Variants in EPB41L3 observed in about 807,000 individuals in gnomAD.
The protein encoded by EPB41L3 is erythrocyte membrane protein band 4.1 like 3, also known as band 4.1-like protein 3.
EPB41L3 carries 57 observed loss-of-function variants against 127.1 expected under a neutral mutation model. That is an observed-to-expected ratio of 0.45 (90% CI 0.36 to 0.56). EPB41L3 has a LOEUF of 0.56. EPB41L3 is among the 20% of genes least tolerant of loss of function. The pLI, the probability that EPB41L3 is intolerant of heterozygous loss-of-function variation, is 0.00. For missense variants in EPB41L3, 1,273 were observed against 1,372.2 expected, an observed-to-expected ratio of 0.93 and a Z score of 1.14; for synonymous variants, 572 against 549.5, an observed-to-expected ratio of 1.04 and a Z score of -0.57.
chr18:5,630,485 G>A (rs776981905), upstream of EPB41L3: 3 of 518,724 alleles, frequency 5.8e-6, no homozygotes, highest in African/African-American at 1.9e-5. Flanking sequence ...GAGAGGTAGG[G>A]CTGCTCACAG....
At chr18:5,482,792 T>C (rs115879601) in intron 2 of EPB41L3, among the ~76,000 whole-genome samples, 94 of 152,238 alleles carry the variant, frequency 6.2e-4, no homozygotes, top group African/African-American at 2.2e-3. Context: ...AGATCAAATC[T>C]TTCCCGAAAG....
chr18:5,612,557 T>G (rs896295923), intron 2 of EPB41L3: 1 of 152,260 alleles, frequency 6.6e-6, no homozygotes, highest in African/African-American at 2.4e-5. Context: ...ATGGTGAATG[T>G]TCATCTCACT....
intron 1 of EPB41L3, among the ~76,000 whole-genome samples, chr18:5,515,360 C>T (rs2092707765): frequency 6.6e-6 from 1 of 152,170 alleles, no homozygotes; most frequent in Admixed American, 6.5e-5. Context: ...ATGAATTCTT[C>T]AACCATTTGC....
chr18:5,542,175 C>T (rs963636718), intron 1 of EPB41L3, among the ~76,000 whole-genome samples: 1 of 152,242 alleles, frequency 6.6e-6, no homozygotes, highest in African/African-American at 2.4e-5. Context: ...TGAGCCAAGA[C>T]AGAAATCACC....
chr18:5,597,624 T>A (rs2094549818), intron 3 of EPB41L3, among the ~76,000 whole-genome samples: 1 of 152,220 alleles, frequency 6.6e-6, no homozygotes. Flanking sequence ...TTTGTTATAA[T>A]AACCACTATA....
At chr18:5,499,829 G>GTGTGTGTATATATATA (rs563662904) in intron 1 of EPB41L3, among the ~76,000 whole-genome samples, 6 of 124,616 alleles carry the variant, frequency 4.8e-5, no homozygotes, top group African/African-American at 1.6e-4. Context: ...CTATGTGTGT[G>GTGTGTGTATATATATA]TATATATATA....
intron 3 of EPB41L3, among the ~76,000 whole-genome samples, chr18:5,552,989 C>T (rs1290168766): frequency 3.3e-5 from 5 of 152,152 alleles, no homozygotes; most frequent in Non-Finnish European, 5.9e-5. Flanking sequence ...ACTTTCAGAG[C>T]AGTAACTTTA....
At chr18:5,431,406 T>A (rs1033185373) in intron 8 of EPB41L3, 1 of 152,234 alleles carries the variant, frequency 6.6e-6, no homozygotes, top group Non-Finnish European at 1.5e-5. Context: ...AAATGGAGTC[T>A]ATAACTGAAT....
intron 1 of EPB41L3, among the ~76,000 whole-genome samples, chr18:5,515,136 A>G (rs943706264): frequency 2.0e-5 from 3 of 152,190 alleles, no homozygotes; most frequent in African/African-American, 7.2e-5. Context: ...CTTGGTGCCC[A>G]CAGCAAACAG....
At chr18:5,466,807 T>C (rs1243420703) in intron 3 of EPB41L3, among the ~76,000 whole-genome samples, 8 of 152,228 alleles carry the variant, frequency 5.3e-5, no homozygotes, top group Non-Finnish European at 8.8e-5. Context: ...TATCCACCTA[T>C]GAAAAGATTT....
At position 5,484,825 on chromosome 18, in the gene EPB41L3, T is replaced by A. The variant is rs577736700; in HGVS notation, c.183+4176A>T. Reference sequence around the variant, plus strand: ...ACCTCAACAAAATAGTCATGAGTAATGAGATCAAAGCTATAATAAAAAGTC... The same window carrying A: ...ACCTCAACAAAATAGTCATGAGTAAAGAGATCAAAGCTATAATAAAAAGTC... On this transcript the variant is annotated intron_variant, in intron 2 of 22. Coordinates refer to ENST00000341928, the MANE Select transcript of EPB41L3 (RefSeq NM_012307.5). Among the ~76,000 whole-genome samples, 6 of 151,524 alleles carry A rather than the reference T, an allele frequency of 4.0e-5. No individual in the cohort carries two copies. In the South Asian group the frequency reaches 1.3e-3, roughly 32 times the overall value.
chr18:5,428,288 C>T (rs749155422), intron 9 of EPB41L3, 25 bp downstream of exon 9: 2 of 1,611,680 alleles, frequency 1.2e-6, no homozygotes, highest in South Asian at 1.1e-5. Flanking sequence ...CCTCCCAACG[C>T]ACAGGCAAAT....
At chr18:5,540,126 A>T (rs1237490170) in intron 1 of EPB41L3, among the ~76,000 whole-genome samples, 2 of 152,238 alleles carry the variant, frequency 1.3e-5, no homozygotes, top group African/African-American at 4.8e-5. Flanking sequence ...TTGCCTCAAT[A>T]TATAAATAAA....
chr18:5,467,366 G>T (rs2085184193), intron 3 of EPB41L3: 2 of 140,408 alleles, frequency 1.4e-5, no homozygotes, highest in African/African-American at 5.0e-5. Flanking sequence ...GAAAACTTAA[G>T]GGGATGATAC....
At chr18:5,534,887 C>G (rs1174704160) in intron 1 of EPB41L3, among the ~76,000 whole-genome samples, 2 of 152,180 alleles carry the variant, frequency 1.3e-5, no homozygotes, top group East Asian at 3.8e-4. Flanking sequence ...ACTCCTCCCA[C>G]AGTTACCTAG....
intron 3 of EPB41L3, among the ~76,000 whole-genome samples, chr18:5,574,233 C>T (rs2094314167): frequency 6.6e-6 from 1 of 152,028 alleles, no homozygotes; most frequent in South Asian, 2.1e-4. Flanking sequence ...CCTTATATTA[C>T]AGTCAGATTT....
intron 3 of EPB41L3, among the ~76,000 whole-genome samples, chr18:5,469,371 G>A (rs1008728559): frequency 6.6e-6 from 1 of 152,152 alleles, no homozygotes; most frequent in Non-Finnish European, 1.5e-5. Context: ...CAGTGCATCC[G>A]ATCCAGCCGC....
At chr18:5,459,208 G>A (rs2083565227) in intron 3 of EPB41L3, among the ~76,000 whole-genome samples, 1 of 152,100 alleles carries the variant, frequency 6.6e-6, no homozygotes, top group South Asian at 2.1e-4. Context: ...TGAGGAAAGA[G>A]GATTGCCTGG....
chr18:5,447,705 T>C (rs562975901), intron 3 of EPB41L3, among the ~76,000 whole-genome samples: 1 of 152,272 alleles, frequency 6.6e-6, no homozygotes, highest in East Asian at 1.9e-4. Flanking sequence ...TTCGCCACTT[T>C]CTGGCTGCTG....
Sources: gnomAD v4.1 joint callset for allele counts (sites outside exome capture counted in the v4.1 genomes callset) on GRCh38, gnomAD v4.1.1 for gene constraint, MANE v1.5 for transcripts, NCBI Gene and HGNC (gene_info 2026-07-23, HGNC 2026-07-21) for gene names.